Variants in LTBP2 observed in about 807,000 individuals in gnomAD.
LTBP2 encodes the protein latent-transforming growth factor beta-binding protein 2.
A neutral mutation model predicts 210.6 loss-of-function variants in LTBP2; 103 were observed. The ratio of observed to expected loss-of-function variants is 0.49; its 90% CI spans 0.42 to 0.58. The LOEUF (loss-of-function observed/expected upper bound fraction) is 0.58, where lower values mean the gene tolerates loss of function less well. LTBP2 is among the 20% of genes least tolerant of loss of function. The pLI is 0.00. For missense variants in LTBP2, 2,313 were observed against 2,494.5 expected (o/e 0.93, Z 1.55); for synonymous variants, 1,007 against 1,015.0 (o/e 0.99, Z 0.15).
chr14:74,545,501 C>T (rs1193541315), intron 8 of LTBP2, among the ~76,000 whole-genome samples: 1 of 152,218 alleles, frequency 6.6e-6, no homozygotes, highest in Non-Finnish European at 1.5e-5. Context: ...ACTCAACCCA[C>T]CCCAGGCAAA....
At chr14:74,581,652 CGA>C (rs2088138211) in intron 3 of LTBP2, among the ~76,000 whole-genome samples, 1 of 152,078 alleles carries the variant, frequency 6.6e-6, no homozygotes, top group East Asian at 1.9e-4. Context: ...CCTGAATGAG[CGA>C]GGAAACCGAG....
At chr14:74,517,753 A>T (rs1016288537) in intron 17 of LTBP2, among the ~76,000 whole-genome samples, 3 of 152,146 alleles carry the variant, frequency 2.0e-5, no homozygotes, top group African/African-American at 7.2e-5. Flanking sequence ...GTAACCATGG[A>T]TCTGTAGGGT....
chr14:74,583,703 C>T (rs558199226), intron 3 of LTBP2, among the ~76,000 whole-genome samples: 1 of 152,396 alleles, frequency 6.6e-6, no homozygotes, highest in African/African-American at 2.4e-5. Flanking sequence ...CTCTCCCCAT[C>T]ACCTAGCCTC....
At chr14:74,565,604 C>T (rs2087892623) in intron 3 of LTBP2, among the ~76,000 whole-genome samples, 1 of 152,106 alleles carries the variant, frequency 6.6e-6, no homozygotes, top group South Asian at 2.1e-4. Context: ...ATGATGGGCT[C>T]AGTTTTGGAT....
chr14:74,582,149 T>C (rs2088144845), intron 3 of LTBP2, among the ~76,000 whole-genome samples: 2 of 151,602 alleles, frequency 1.3e-5, no homozygotes, highest in Admixed American at 6.6e-5. Flanking sequence ...GTGTAGGATG[T>C]CTCCAGGGCT....
At chr14:74,591,605 T>C (rs983325474) in intron 2 of LTBP2, among the ~76,000 whole-genome samples, 3 of 152,260 alleles carry the variant, frequency 2.0e-5, no homozygotes, top group Non-Finnish European at 2.9e-5. Flanking sequence ...CTCGGCAAGA[T>C]GCCTGGAACT....
At chr14:74,538,202 A>G (rs2087447441) in intron 8 of LTBP2, among the ~76,000 whole-genome samples, 1 of 152,110 alleles carries the variant, frequency 6.6e-6, no homozygotes, top group Non-Finnish European at 1.5e-5. Context: ...TTATTTCACC[A>G]TTAGCTGCTC....
chr14:74,502,975 C>T (rs1055211384), intron 33 of LTBP2, 41 bp from the exon 34 acceptor site: 1 of 1,605,086 alleles, frequency 6.2e-7, no homozygotes, highest in African/African-American at 1.3e-5. Flanking sequence ...GTTCTAGCTC[C>T]TGCCAGCTAA....
chr14:74,510,549 G>A (rs1212993286), intron 19 of LTBP2, among the ~76,000 whole-genome samples: 1 of 152,236 alleles, frequency 6.6e-6, no homozygotes, highest in Non-Finnish European at 1.5e-5. Flanking sequence ...CATTGTGTGT[G>A]CCAGGAACCC....
intron 8 of LTBP2, among the ~76,000 whole-genome samples, chr14:74,540,869 A>T (rs868418601): frequency 9.8e-5 from 7 of 71,422 alleles, no homozygotes; most frequent in African/African-American, 2.3e-4. Context: ...ATATATATTT[A>T]TATATATAAT....
chr14:74,517,639 C>T (rs1292269668), intron 17 of LTBP2, among the ~76,000 whole-genome samples: 1 of 152,084 alleles, frequency 6.6e-6, no homozygotes, highest in African/African-American at 2.4e-5. Context: ...TCCCAAAGTG[C>T]TGGGATTATA....
At position 74,549,969 on chromosome 14, in the gene LTBP2, G is replaced by A; in HGVS notation, c.1687-4C>T. On this transcript the variant is annotated splice_polypyrimidine_tract_variant and splice_region_variant and intron_variant, in intron 7 of 35. Coordinates refer to ENST00000261978, the MANE Select transcript of LTBP2 (RefSeq NM_000428.3). ...GCTCCAGCAGAGGGTTGGCACACTG[G>A]AAGGAGAGGCCATGGACACCTGTGA... The A allele has an allele frequency of 6.3e-7, 1 of 1,599,334 alleles. No homozygotes were observed. Among genetic ancestry groups the A allele is most frequent in the Non-Finnish European group, 8.6e-7 (1 of 1,166,636 alleles).
Position 74,522,831 on chromosome 14 carries a change from C to T in LTBP2, c.2618G>A (p.Ser873Asn), listed in dbSNP as rs759367257. 6.2e-6 allele frequency: 10 copies of T among 1,612,154 alleles called. No individual in the cohort carries two copies. The highest frequency in any genetic ancestry group is 8.5e-6 in the Non-Finnish European group (10 of 1,179,384). The part of the protein sequence containing the change: ...NLPDGYRCVC[S>N]PGYQLHPSQA... ...GCTGGGGTGCAGCTGGTAGCCAGGG[C>T]TGCAGACACATCTGTATCCATCGGG... The change falls in exon 16 of 36, where the codon AGC becomes AAC. Residue 873 changes from serine (S) to asparagine (N), a missense_variant. Physicochemically the swap from Ser to Asn is conservative, Grantham distance 46. Around this residue, in one of 3 missense-constraint regions of LTBP2, gnomAD observed 1,867 missense variants for 1,976.9 expected, o/e 0.94. Coordinates refer to ENST00000261978, the MANE Select transcript of LTBP2 (RefSeq NM_000428.3).
chr14:74,512,581 C>A (rs2087085433), intron 18 of LTBP2, among the ~76,000 whole-genome samples: 1 of 152,134 alleles, frequency 6.6e-6, no homozygotes, highest in South Asian at 2.1e-4. Context: ...GTTTGGCTTC[C>A]AGAAGTCAGG....
chr14:74,597,890 C>G (rs566073038), intron 2 of LTBP2, among the ~76,000 whole-genome samples: 32 of 152,336 alleles, frequency 2.1e-4, no homozygotes, highest in Admixed American at 1.4e-3. Flanking sequence ...TGGGTGCTAA[C>G]CAGTCAGTGA....
intron 35 of LTBP2, 51 bp from the exon 36 acceptor site, chr14:74,501,080 G>C: frequency 6.3e-7 from 1 of 1,581,886 alleles, no homozygotes; most frequent in Non-Finnish European, 8.6e-7. Flanking sequence ...GCCTCTGCTG[G>C]CTGCCTCCAC....
At chr14:74,594,884 CCTGA>C (rs2088336824) in intron 2 of LTBP2, among the ~76,000 whole-genome samples, 1 of 152,194 alleles carries the variant, frequency 6.6e-6, no homozygotes, top group Non-Finnish European at 1.5e-5. Context: ...TCTCCCAGGC[CCTGA>C]CTGAGGACCC....
At chr14:74,522,696 C>T in intron 16 of LTBP2, 94 bp downstream of exon 16, 1 of 1,446,832 alleles carries the variant, frequency 6.9e-7, no homozygotes, top group Non-Finnish European at 9.3e-7. Context: ...CTGCTTGGAC[C>T]TTCTGCTTCT....
intron 8 of LTBP2, among the ~76,000 whole-genome samples, chr14:74,537,937 T>C (rs2087443945): frequency 6.6e-6 from 1 of 152,156 alleles, no homozygotes; most frequent in Non-Finnish European, 1.5e-5. Flanking sequence ...GTATCTTTAG[T>C]AGAGACAGGG....
Sources: allele counts gnomAD v4.1 joint callset (sites outside exome capture counted in the v4.1 genomes callset), GRCh38; gene constraint gnomAD v4.1.1; regional missense constraint gnomAD v4.1.1; transcripts MANE v1.5; gene names NCBI Gene and HGNC (gene_info 2026-07-23, HGNC 2026-07-21).